The following TTYH1 variants were observed in gnomAD, a reference collection of about 807,000 sequenced individuals.
TTYH1 encodes the protein tweety family member 1, also known as protein tweety homolog 1.
Under a neutral mutation model 61.2 loss-of-function variants are expected in TTYH1, and 33 were observed. The observed-to-expected ratio is 0.54, with a 90% confidence interval of 0.41 to 0.72. The LOEUF (loss-of-function observed/expected upper bound fraction) is 0.72, where lower values mean the gene tolerates loss of function less well. Among genes scored for constraint, TTYH1 ranks in the 30% least tolerant of loss-of-function variants. TTYH1 has a pLI of 0.00. For synonymous variants in TTYH1, 308 were observed against 266.4 expected (o/e 1.16, Z -1.52); for missense variants, 538 against 575.8 (o/e 0.93, Z 0.67).
chr19:54,421,373 C>A lies in TTYH1; in HGVS notation c.402C>A (p.Ser134Arg), dbSNP rs1293951784. Reference sequence around the variant, plus strand: ...TGCTGCACGCCAACCACACACTCAGCACCATTGACCACCTGGTGAGGGGCC... The same window carrying A: ...TGCTGCACGCCAACCACACACTCAGAACCATTGACCACCTGGTGAGGGGCC... ...SALLHANHTL[S>R]TIDHLVLETV... Residue 134 changes from serine to arginine, a missense_variant, in exon 3 of 14, where the codon AGC becomes AGA. Ser to Arg is a moderately radical substitution (Grantham distance 110). This residue lies in a region of TTYH1 where 378 missense variants were observed against 401.2 expected (regional missense o/e 0.94). Coordinates refer to ENST00000376530, the MANE Select transcript of TTYH1 (RefSeq NM_020659.4). The surrounding 1 kb of genome is among the most constrained non-coding windows in gnomAD (Gnocchi z 4.8). The A allele has an allele frequency of 1.2e-6, 2 of 1,612,542 alleles. No individual in the cohort carries two copies. The highest frequency in any genetic ancestry group is 1.1e-5 in the South Asian group (1 of 91,078).
chr19:54,435,532 C>T lies in TTYH1; in HGVS notation c.1126-10C>T. On this transcript the variant is annotated splice_polypyrimidine_tract_variant and intron_variant, in intron 10 of 13. Coordinates refer to ENST00000376530, the MANE Select transcript of TTYH1 (RefSeq NM_020659.4). Reference sequence around the variant, plus strand: ...TGGGGACGCATGGCCTGATGACGCCCTCCCCTCAGGACTATGGTGCAGCCC... The same window carrying T: ...TGGGGACGCATGGCCTGATGACGCCTTCCCCTCAGGACTATGGTGCAGCCC... 3 of 1,586,374 alleles carry T rather than the reference C, an allele frequency of 1.9e-6. No individual in the cohort carries two copies. Among genetic ancestry groups the T allele is most frequent in the Non-Finnish European group, 2.6e-6 (3 of 1,169,136 alleles).
At position 54,436,389 on chromosome 19, in the gene TTYH1, C is replaced by A; in HGVS notation, c.*99C>A. 6.2e-7 allele frequency: 1 copy of A among 1,613,884 alleles called. No individual in the cohort carries two copies. The highest frequency in any genetic ancestry group is 8.5e-7 in the Non-Finnish European group (1 of 1,179,808). Reference sequence around the variant, plus strand: ...TAACCCAGCCTGCCTGGGCTCTGACCACTAACACTCTTGGCCATGGACAGC... The same window carrying A: ...TAACCCAGCCTGCCTGGGCTCTGACAACTAACACTCTTGGCCATGGACAGC... On this transcript the variant is annotated 3_prime_UTR_variant, in exon 14 of 14. Coordinates refer to ENST00000376530, the MANE Select transcript of TTYH1 (RefSeq NM_020659.4). The surrounding 1 kb of genome is among the most constrained non-coding windows in gnomAD (Gnocchi z 4.3).
chr19:54,422,908 G>T (rs560890643), intron 4 of TTYH1, among the ~76,000 whole-genome samples: 2 of 127,282 alleles, frequency 1.6e-5, no homozygotes, highest in Admixed American at 9.2e-5. Flanking sequence ...CAGCCTGGGC[G>T]ATAGAGTGAG....
intron 4 of TTYH1, among the ~76,000 whole-genome samples, chr19:54,425,590 G>A (rs924791536): frequency 6.6e-6 from 1 of 152,190 alleles, no homozygotes; most frequent in Non-Finnish European, 1.5e-5. Context: ...CACCTTCCCA[G>A]CTAGGCTTAG....
chr19:54,420,858 C>T lies in TTYH1; in HGVS notation c.306-419C>T, dbSNP rs1160384294. The T allele has an allele frequency of 4.2e-6, 1 of 240,092 alleles. No individual in the cohort carries two copies. Among genetic ancestry groups the T allele is most frequent in the Non-Finnish European group, 9.0e-6 (1 of 110,556 alleles). The allele number at this position is 240,092 out of a possible 1,614,324, so 14.9% of individuals were successfully genotyped here. ...GTTGGCACTGCAGGCCCCAAGGACC[C>T]TAGGGCACCCTAGGACAGGTGCCAG... On this transcript the variant is annotated intron_variant, in intron 2 of 13. Transcript: ENST00000376530. This position sits in a 1 kb window ranked among gnomAD's most constrained non-coding sequence, Gnocchi z 4.8.
In TTYH1 at chr19:54,416,667, G is replaced by A. The variant is rs2083083709; in HGVS notation, c.126+989G>A. ...GGGGGTCCCAGAAAAGCGCGGAGGG[G>A]ATGAGTGCTGTGTTCTGAGCTATTT... On this transcript the variant is annotated intron_variant, in intron 1 of 13. Coordinates refer to ENST00000376530, the MANE Select transcript of TTYH1 (RefSeq NM_020659.4). This position sits in a 1 kb window ranked among gnomAD's most constrained non-coding sequence, Gnocchi z 7.0. 1.9e-6 allele frequency: 2 copies of A among 1,052,702 alleles called. No individual in the cohort carries two copies. Among genetic ancestry groups the A allele is most frequent in the Middle Eastern group, 2.7e-4 (1 of 3,746 alleles). The allele number at this position is 1,052,702 out of a possible 1,614,324, so 65.2% of individuals were successfully genotyped here. A position where few individuals can be genotyped will look rare whatever the true frequency, so the allele number is the denominator to read the frequency against.
At chr19:54,423,713 G>A (rs541527919) in intron 4 of TTYH1, among the ~76,000 whole-genome samples, 52 of 152,284 alleles carry the variant, frequency 3.4e-4, no homozygotes, top group South Asian at 1.2e-3. Context: ...GGAGAGCACC[G>A]CAGAGATATG....
intron 3 of TTYH1, 146 bp from the exon 4 acceptor site, chr19:54,422,044 C>A: frequency 1.5e-6 from 1 of 648,802 alleles, no homozygotes; most frequent in Non-Finnish European, 2.7e-6. Context: ...CCAATCCCTT[C>A]CCTTACTCAA....
rs567860858 is a variant in TTYH1, at chr19:54,420,314, G to A, written c.306-963G>A. On this transcript the variant is annotated intron_variant, in intron 2 of 13. Transcript: ENST00000376530. The surrounding 1 kb of genome is among the most constrained non-coding windows in gnomAD (Gnocchi z 4.8). ...TGTAGGGGTGGCCTGTATTCAGGAC[G>A]CTTCCTCCTCCGGCTCTCTGGCGTG... Among the ~76,000 whole-genome samples, 55 of 152,314 alleles carry A rather than the reference G, an allele frequency of 3.6e-4. No homozygotes were observed. The East Asian group carries it at 7.9e-3, about 22-fold the overall frequency.
intron 4 of TTYH1, chr19:54,426,443 G>A (rs560197424): frequency 1.7e-6 from 1 of 586,298 alleles, no homozygotes; most frequent in East Asian, 2.9e-5. Context: ...AGTCCCAGGT[G>A]CTCAGGACCT....
chr19:54,435,661 A>C lies in TTYH1; in HGVS notation c.1245A>C (p.Arg415=). Residue 415 remains arginine (R), a synonymous_variant, in exon 11 of 14, where the codon CGA becomes CGC. Transcript: ENST00000376530. ...ALATALCSLP[R]AWALFPPSDD... is the part of the protein sequence containing the mutation. ...CCACTGCCCTCTGCAGCCTGCCCCG[A>C]GCCTGGGCCCTCTTCCCACCCAGGT... 2 of 1,610,730 alleles carry C rather than the reference A, an allele frequency of 1.2e-6. No homozygotes were observed. The highest frequency in any genetic ancestry group is 1.1e-5 in the South Asian group (1 of 90,868).
Position 54,420,095 on chromosome 19 carries a change from C to T in TTYH1, c.305+789C>T, listed in dbSNP as rs555022749. 5.9e-5 allele frequency among the ~76,000 whole-genome samples: 9 copies of T among 152,256 alleles called. No individual in the cohort carries two copies. Among genetic ancestry groups the T allele is most frequent in the African/African-American group, 1.7e-4 (7 of 41,540 alleles). The stretch of plus-strand genomic sequence containing the variant: ...ATTCAGACCCAGGTTAGTAGGACCC[C>T]CTCACACCCCTCAAAGCGAGCTTAG... On this transcript the variant is annotated intron_variant, in intron 2 of 13. Transcript: ENST00000376530. This position sits in a 1 kb window ranked among gnomAD's most constrained non-coding sequence, Gnocchi z 4.8.
Position 54,415,866 on chromosome 19 carries a change from C to A in TTYH1, c.126+188C>A. On this transcript the variant is annotated intron_variant, in intron 1 of 13. Coordinates refer to ENST00000376530, the MANE Select transcript of TTYH1 (RefSeq NM_020659.4). The surrounding 1 kb of genome is among the most constrained non-coding windows in gnomAD (Gnocchi z 5.2). ...TGCCTGGAGGTTCTCCTGGGACGCG[C>A]GCTGGGGGTCCAGACCTCGAGCTCT... 1.3e-6 allele frequency: 1 copy of A among 795,952 alleles called. No homozygotes were observed. The highest frequency in any genetic ancestry group is 1.8e-5 in the African/African-American group (1 of 56,038). 49.3% of individuals were successfully genotyped at this position (795,952 alleles called of 1,614,324 possible).
chr19:54,418,531 T>G (rs967126786), intron 1 of TTYH1: 2 of 152,344 alleles, frequency 1.3e-5, no homozygotes, highest in African/African-American at 4.8e-5. Flanking sequence ...TCTTCCAGTT[T>G]CCATTTCTGA....
chr19:54,416,169 T>A lies in TTYH1; in HGVS notation c.126+491T>A. The A allele has an allele frequency of 2.2e-6, 2 of 912,962 alleles. No individual in the cohort carries two copies. The highest frequency in any genetic ancestry group is 3.1e-6 in the Non-Finnish European group (2 of 637,770). 56.6% of individuals were successfully genotyped at this position (912,962 alleles called of 1,614,324 possible). ...CGGTGCTGGGATGGGATTGAGAGTC[T>A]GAAATGGGGAAGGGGGCTTCAGGGG... On this transcript the variant is annotated intron_variant, in intron 1 of 13. Transcript: ENST00000376530. The surrounding 1 kb of genome is among the most constrained non-coding windows in gnomAD (Gnocchi z 7.0).
chr19:54,423,805 A>T (rs1034051004), intron 4 of TTYH1, among the ~76,000 whole-genome samples: 1 of 152,038 alleles, frequency 6.6e-6, no homozygotes, highest in African/African-American at 2.4e-5. Flanking sequence ...TCCGGGGGGA[A>T]CCAGCAAGGG....
In TTYH1 at chr19:54,415,829, T is replaced by TG; in HGVS notation, c.126+156dup. 1.0e-6 allele frequency: 1 copy of TG among 969,702 alleles called. No individual in the cohort carries two copies. Among genetic ancestry groups the TG allele is most frequent in the Non-Finnish European group, 1.5e-6 (1 of 684,062 alleles). The allele number at this position is 969,702 out of a possible 1,614,324, so 60.1% of individuals were successfully genotyped here. The stretch of plus-strand genomic sequence containing the variant: ...TGGGGTTTCGGAGGGAGGAGGAGCC[T>TG]GGGGGCGCCCATGCCTGGAGGTTCT... On this transcript the variant is annotated intron_variant, in intron 1 of 13. Transcript: ENST00000376530. This position sits in a 1 kb window ranked among gnomAD's most constrained non-coding sequence, Gnocchi z 5.2.
At position 54,416,640 on chromosome 19, in the gene TTYH1, GA is replaced by G. The variant is rs2083083131; in HGVS notation, c.126+963del. On this transcript the variant is annotated intron_variant, in intron 1 of 13. Transcript: ENST00000376530. This position sits in a 1 kb window ranked among gnomAD's most constrained non-coding sequence, Gnocchi z 7.0. The stretch of plus-strand genomic sequence containing the variant: ...GGGATTGGAGAGCTCAGGGGGCGTG[GA>G]GGGGGTCCCAGAAAAGCGCGGAGGG... The G allele has an allele frequency of 1.3e-6, 1 of 795,664 alleles. No individual in the cohort carries two copies. The allele number at this position is 795,664 out of a possible 1,614,324, so 49.3% of individuals were successfully genotyped here. A position where few individuals can be genotyped will look rare whatever the true frequency, so the allele number is the denominator to read the frequency against.
chr19:54,426,323 G>GA (rs2083318852), intron 4 of TTYH1, among the ~76,000 whole-genome samples: 2 of 152,320 alleles, frequency 1.3e-5, no homozygotes, highest in Admixed American at 1.3e-4. Flanking sequence ...GTGCAGTCTT[G>GA]AGAACGAGTA....
Sources: allele counts gnomAD v4.1 joint callset (sites outside exome capture counted in the v4.1 genomes callset), GRCh38; gene constraint gnomAD v4.1.1; regional missense constraint gnomAD v4.1.1; non-coding constraint Gnocchi (gnomAD v3.1); transcripts MANE v1.5; gene names NCBI Gene and HGNC (gene_info 2026-07-23, HGNC 2026-07-21).